RALYL: variants seen among roughly 807,000 people sequenced by gnomAD.
RALYL encodes RNA-binding Raly-like protein.
In RALYL, 29 loss-of-function variants were observed where a neutral mutation model predicts 35.1. That is an observed-to-expected ratio of 0.83 (90% CI 0.61 to 1.13). RALYL has a LOEUF of 1.13. Among genes scored for constraint, RALYL ranks in the 50% most tolerant of loss-of-function variants. The pLI is 0.00. For synonymous variants in RALYL, 120 were observed against 127.6 expected (o/e 0.94, Z 0.40); for missense variants, 359 against 360.4 (o/e 1.00, Z 0.03).
intron 1 of RALYL, among the ~76,000 whole-genome samples, chr8:84,372,987 C>T (rs1333516896): frequency 1.4e-5 from 2 of 142,734 alleles, no homozygotes; most frequent in Admixed American, 1.5e-4. Flanking sequence ...TATTTCCGTA[C>T]TGATCAGTTA....
At chr8:84,708,341 T>C (rs918508574) in intron 2 of RALYL, among the ~76,000 whole-genome samples, 1 of 152,146 alleles carries the variant, frequency 6.6e-6, no homozygotes, top group African/African-American at 2.4e-5. Context: ...TAATTCACTA[T>C]ACAAGAGGAG....
At chr8:84,543,433 T>A (rs2060146338) in intron 2 of RALYL, among the ~76,000 whole-genome samples, 1 of 151,752 alleles carries the variant, frequency 6.6e-6, no homozygotes, top group South Asian at 2.1e-4. Flanking sequence ...ATCTCACAAA[T>A]CACCACTAAA....
chr8:84,577,464 G>T (rs920616995), intron 2 of RALYL, among the ~76,000 whole-genome samples: 1 of 152,180 alleles, frequency 6.6e-6, no homozygotes, highest in African/African-American at 2.4e-5. Flanking sequence ...CATTCATGGG[G>T]TTTGATTAGT....
chr8:84,189,231 A>G (rs190589180), intron 1 of RALYL, among the ~76,000 whole-genome samples: 2 of 152,314 alleles, frequency 1.3e-5, no homozygotes, highest in East Asian at 3.9e-4. Flanking sequence ...AAGTGCTCTT[A>G]TATTACAAAA....
At chr8:84,775,238 G>A (rs1436812311) in intron 3 of RALYL, among the ~76,000 whole-genome samples, 2 of 152,188 alleles carry the variant, frequency 1.3e-5, no homozygotes, top group East Asian at 1.9e-4. Context: ...TTACAGGCAT[G>A]AGCCACCACG....
chr8:84,649,571 G>T (rs1315170800), intron 2 of RALYL, among the ~76,000 whole-genome samples: 2 of 152,100 alleles, frequency 1.3e-5, no homozygotes, highest in African/African-American at 4.8e-5. Context: ...TCTCGGGTTT[G>T]TCAAGGATCA....
At chr8:84,275,323 G>T (rs1255651608) in intron 1 of RALYL, among the ~76,000 whole-genome samples, 1 of 152,008 alleles carries the variant, frequency 6.6e-6, no homozygotes, top group Non-Finnish European at 1.5e-5. Flanking sequence ...GCACTGAGAA[G>T]TAGGAATTAT....
intron 1 of RALYL, among the ~76,000 whole-genome samples, chr8:84,267,556 C>T (rs1407763218): frequency 2.0e-5 from 3 of 152,044 alleles, no homozygotes; most frequent in Non-Finnish European, 4.4e-5. Flanking sequence ...AAATATTTAC[C>T]TCAAGTCAAG....
At chr8:84,738,611 A>G (rs1451247285) in intron 2 of RALYL, among the ~76,000 whole-genome samples, 1 of 152,044 alleles carries the variant, frequency 6.6e-6, no homozygotes, top group Non-Finnish European at 1.5e-5. Flanking sequence ...CTGCAGCTAC[A>G]TCTTCAGCAT....
intron 2 of RALYL, among the ~76,000 whole-genome samples, chr8:84,773,651 A>T (rs917752058): frequency 1.3e-5 from 2 of 152,190 alleles, no homozygotes; most frequent in African/African-American, 4.8e-5. Flanking sequence ...ATGAAGGCAA[A>T]GTATGTGCTC....
At chr8:84,467,369 C>A (rs1008758370) in intron 1 of RALYL, among the ~76,000 whole-genome samples, 1 of 151,956 alleles carries the variant, frequency 6.6e-6, no homozygotes, top group East Asian at 1.9e-4. Flanking sequence ...TTTCAAAGAA[C>A]ATCTTTATTT....
Position 84,602,705 on chromosome 8 carries a change from T to C in RALYL, c.256+73128T>C, listed in dbSNP as rs373886150. Among the ~76,000 whole-genome samples, 15 of 152,272 alleles carry C rather than the reference T, an allele frequency of 9.9e-5. No homozygotes were observed. The East Asian group carries it at 2.5e-3, about 25-fold the overall frequency. On this transcript the variant is annotated intron_variant, in intron 2 of 8. Transcript: ENST00000521268. ...CATTTCCATTTATCCAGTTAATAAATAGCTATTGAGTAAATGATATGTATG... is the reference window on the plus strand; with the variant it reads ...CATTTCCATTTATCCAGTTAATAAACAGCTATTGAGTAAATGATATGTATG...
At chr8:84,854,757 A>T (rs549076300) in intron 5 of RALYL, among the ~76,000 whole-genome samples, 1 of 152,362 alleles carries the variant, frequency 6.6e-6, no homozygotes, top group South Asian at 2.1e-4. Flanking sequence ...GGAAGCTGCT[A>T]CCACTTCTAG....
intron 1 of RALYL, among the ~76,000 whole-genome samples, chr8:84,463,482 A>C (rs2051073117): frequency 6.6e-6 from 1 of 152,034 alleles, no homozygotes; most frequent in Non-Finnish European, 1.5e-5. Flanking sequence ...GACTAATTTT[A>C]ATTAATTTTA....
At chr8:84,456,057 A>G (rs933009030) in intron 1 of RALYL, among the ~76,000 whole-genome samples, 1 of 151,864 alleles carries the variant, frequency 6.6e-6, no homozygotes, top group Non-Finnish European at 1.5e-5. Flanking sequence ...TCTATTTTAG[A>G]TGTATTTTTC....
intron 4 of RALYL, among the ~76,000 whole-genome samples, chr8:84,812,006 G>A (rs991789080): frequency 5.9e-5 from 9 of 151,842 alleles, no homozygotes; most frequent in East Asian, 3.9e-4. Context: ...CAGGTAAATC[G>A]GGGATTTCTT....
chr8:84,367,676 T>C (rs1284870471), intron 1 of RALYL, among the ~76,000 whole-genome samples: 2 of 152,136 alleles, frequency 1.3e-5, no homozygotes, highest in Non-Finnish European at 2.9e-5. Flanking sequence ...TCACAAGACA[T>C]AGCAATCTCT....
intron 1 of RALYL, among the ~76,000 whole-genome samples, chr8:84,393,987 C>T (rs547976502): frequency 7.6e-4 from 116 of 152,156 alleles, no homozygotes; most frequent in South Asian, 1.7e-3. Context: ...AATTAGTTTA[C>T]CAACTTGGAA....
intron 2 of RALYL, among the ~76,000 whole-genome samples, chr8:84,761,235 G>GA (rs1812617600): frequency 6.6e-6 from 1 of 151,760 alleles, no homozygotes; most frequent in Non-Finnish European, 1.5e-5. Context: ...AACTATTAAT[G>GA]AAAAAATGCA....
Sources: allele counts gnomAD v4.1 joint callset (sites outside exome capture counted in the v4.1 genomes callset), GRCh38; gene constraint gnomAD v4.1.1; transcripts MANE v1.5; gene names NCBI Gene and HGNC (gene_info 2026-07-23, HGNC 2026-07-21).